DSCAML1: variants seen among roughly 807,000 people sequenced by gnomAD.
DSCAML1 encodes the protein cell adhesion molecule DSCAML1.
A neutral mutation model predicts 200.5 loss-of-function variants in DSCAML1; 38 were observed. The ratio of observed to expected loss-of-function variants is 0.19; its 90% CI spans 0.15 to 0.25. The LOEUF is 0.25. DSCAML1 is among the 10% of genes least tolerant of loss of function. The pLI, the probability that DSCAML1 is intolerant of heterozygous loss-of-function variation, is 1.00. For synonymous variants in DSCAML1, 1,215 were observed against 1,165.0 expected (o/e 1.04, Z -0.87); for missense variants, 2,223 against 2,858.8 (o/e 0.78, Z 5.07).
At chr11:117,542,353 C>CAACAAA (rs780331627) in intron 3 of DSCAML1, among the ~76,000 whole-genome samples, 26 of 150,676 alleles carry the variant, frequency 1.7e-4, no homozygotes, top group Non-Finnish European at 3.1e-4. Flanking sequence ...ACAACAACAA[C>CAACAAA]AAAAAAAAAA....
chr11:117,767,961 C>T (rs1013636425), intron 3 of DSCAML1, among the ~76,000 whole-genome samples: 1 of 152,146 alleles, frequency 6.6e-6, no homozygotes, highest in African/African-American at 2.4e-5. Flanking sequence ...TCTATTGCCT[C>T]CCCTCTCACT....
At chr11:117,545,869 C>G (rs1439063835) in intron 3 of DSCAML1, among the ~76,000 whole-genome samples, 1 of 152,248 alleles carries the variant, frequency 6.6e-6, no homozygotes, top group African/African-American at 2.4e-5. Flanking sequence ...CGTCACACAA[C>G]TCATCTGTGT....
rs2047697480 is a variant in DSCAML1 at position 117,428,177 on chromosome 11, A to T, written c.*151T>A. 2 of 596,944 alleles carry T rather than the reference A, an allele frequency of 3.4e-6. No homozygotes were observed. The highest frequency in any genetic ancestry group is 6.1e-5 in the East Asian group (2 of 32,666). 37.0% of individuals were successfully genotyped at this position (596,944 alleles called of 1,614,324 possible). A position where few individuals can be genotyped will look rare whatever the true frequency, so the allele number is the denominator to read the frequency against. On this transcript the variant is annotated 3_prime_UTR_variant, in exon 33 of 33. Transcript: ENST00000651296. ...AGTTTCATTTGTACAAAAGAGTTCT[A>T]TGTACAGGCGTTCATGATTGGGGGT... is the stretch of plus-strand genomic sequence containing the variant.
At chr11:117,769,576 AT>A (rs1565274435) in intron 3 of DSCAML1, among the ~76,000 whole-genome samples, 1 of 124,412 alleles carries the variant, frequency 8.0e-6, no homozygotes, top group African/African-American at 3.1e-5. Context: ...TATATTATAT[AT>A]TTTTTATATA....
intron 3 of DSCAML1, among the ~76,000 whole-genome samples, chr11:117,605,248 C>G (rs1361486382): frequency 6.6e-6 from 1 of 152,114 alleles, no homozygotes; most frequent in African/African-American, 2.4e-5. Flanking sequence ...CCACTACCCC[C>G]ACCCCAAAGC....
chr11:117,611,662 A>C (rs1041769893), intron 3 of DSCAML1: 2 of 152,224 alleles, frequency 1.3e-5, no homozygotes, highest in African/African-American at 4.8e-5. Context: ...TCTTAGCAGG[A>C]AACCCAGCTC....
intron 3 of DSCAML1, among the ~76,000 whole-genome samples, chr11:117,580,421 C>A (rs577832637): frequency 1.3e-5 from 2 of 152,316 alleles, no homozygotes; most frequent in African/African-American, 4.8e-5. Context: ...GCTGTGTGAC[C>A]TCTGGTAGGT....
chr11:117,479,792 G>C (rs946679966), intron 14 of DSCAML1, among the ~76,000 whole-genome samples: 2 of 152,146 alleles, frequency 1.3e-5, no homozygotes, highest in African/African-American at 4.8e-5. Context: ...GGGATTACTG[G>C]GGTGTGCCAC....
chr11:117,513,593 T>A (rs2049693185), intron 8 of DSCAML1, among the ~76,000 whole-genome samples: 1 of 151,868 alleles, frequency 6.6e-6, no homozygotes, highest in Non-Finnish European at 1.5e-5. Flanking sequence ...ATACAAAAAT[T>A]AGCTGGGCGT....
At chr11:117,609,371 G>A (rs1346950001) in intron 3 of DSCAML1, among the ~76,000 whole-genome samples, 6 of 149,574 alleles carry the variant, frequency 4.0e-5, no homozygotes, top group African/African-American at 1.5e-4. Context: ...GCAGATGTGC[G>A]ATCACAGCTC....
At chr11:117,812,918 G>A (rs78684801) in intron 1 of DSCAML1, among the ~76,000 whole-genome samples, 8,127 of 151,836 alleles carry the variant, frequency 0.054, 302 homozygotes, top group Middle Eastern at 0.12. Context: ...TGCGTGCAGC[G>A]GCTGCCACTG....
Position 117,617,923 on chromosome 11 carries a change from G to A in DSCAML1, c.512-85401C>T, listed in dbSNP as rs184338141. Among the ~76,000 whole-genome samples, 177 of 152,266 alleles carry A rather than the reference G, an allele frequency of 1.2e-3. No individual in the cohort carries two copies. The Middle Eastern group carries it at 0.037, about 32-fold the overall frequency. On this transcript the variant is annotated intron_variant, in intron 3 of 32. Coordinates refer to ENST00000651296, the MANE Select transcript of DSCAML1 (RefSeq NM_020693.4). ...CTACTTGTTGAAGGACACACTGTCTGTCCATGCCCAGGTAACCATGCAGGA... is the reference window on the plus strand; with the variant it reads ...CTACTTGTTGAAGGACACACTGTCTATCCATGCCCAGGTAACCATGCAGGA...
intron 3 of DSCAML1, among the ~76,000 whole-genome samples, chr11:117,673,126 C>T (rs1002520588): frequency 2.6e-5 from 4 of 152,164 alleles, no homozygotes; most frequent in Admixed American, 6.5e-5. Flanking sequence ...TTCTTCCAGC[C>T]GGTCAGCATG....
chr11:117,445,664 C>G (rs1050623304), intron 20 of DSCAML1, among the ~76,000 whole-genome samples: 1 of 152,182 alleles, frequency 6.6e-6, no homozygotes, highest in Admixed American at 6.5e-5. Context: ...GGTGACAGTA[C>G]AGGAACGTAT....
intron 2 of DSCAML1, among the ~76,000 whole-genome samples, chr11:117,779,684 G>A (rs748219892): frequency 1.3e-4 from 20 of 152,244 alleles, no homozygotes; most frequent in South Asian, 2.1e-4. Context: ...AATATACACC[G>A]TTGGACACCA....
intron 1 of DSCAML1, among the ~76,000 whole-genome samples, chr11:117,785,526 T>C (rs142495307): frequency 9.2e-4 from 140 of 151,964 alleles, no homozygotes; most frequent in African/African-American, 3.3e-3. Flanking sequence ...ATTGAGGAGT[T>C]TGGGCCTCAG....
intron 3 of DSCAML1, among the ~76,000 whole-genome samples, chr11:117,727,992 G>A (rs2054161147): frequency 1.3e-5 from 2 of 152,208 alleles, no homozygotes; most frequent in Non-Finnish European, 2.9e-5. Flanking sequence ...AGGGAGCAGT[G>A]ATTTGCTGTC....
At position 117,437,933 on chromosome 11, in the gene DSCAML1, C is replaced by T. The variant is rs180842560; in HGVS notation, c.4394G>A (p.Arg1465His). ...LAAKNSVGSG[R>H]ISEIIEAKTH... ...CTTGGCCTCGATGATCTCGCTGATG[C>T]GCCCAGAGCCCACGCTGTTCTTGGC... Residue 1465 changes from arginine (R) to histidine (H), a missense_variant, in exon 25 of 33, where the codon CGC (arginine) becomes CAC (histidine). Arg to His is a conservative substitution (Grantham distance 29). Around this residue, in one of 7 missense-constraint regions of DSCAML1, gnomAD observed 614 missense variants for 739.1 expected, o/e 0.83. Coordinates refer to ENST00000651296, the MANE Select transcript of DSCAML1 (RefSeq NM_020693.4). This position sits in a 1 kb window ranked among gnomAD's most constrained non-coding sequence, Gnocchi z 5.3. The T allele has an allele frequency of 5.0e-5, 81 of 1,612,790 alleles. No individual in the cohort carries two copies. In the East Asian group the frequency reaches 1.4e-3, roughly 28 times the overall value.
At chr11:117,683,072 A>G (rs939171976) in intron 3 of DSCAML1, among the ~76,000 whole-genome samples, 1 of 152,218 alleles carries the variant, frequency 6.6e-6, no homozygotes, top group Admixed American at 6.5e-5. Flanking sequence ...ACCTTTAGTT[A>G]TACCTTCATT....
Sources: allele counts gnomAD v4.1 joint callset (sites outside exome capture counted in the v4.1 genomes callset), GRCh38; gene constraint gnomAD v4.1.1; regional missense constraint gnomAD v4.1.1; non-coding constraint Gnocchi (gnomAD v3.1); transcripts MANE v1.5; gene names NCBI Gene and HGNC (gene_info 2026-07-23, HGNC 2026-07-21).